STIM1: variants seen among roughly 807,000 people sequenced by gnomAD.
STIM1 encodes stromal interaction molecule 1.
A neutral mutation model predicts 74.7 loss-of-function variants in STIM1; 25 were observed. That is an observed-to-expected ratio of 0.33 (90% confidence interval 0.24 to 0.47). The LOEUF is 0.47. Ranked by LOEUF, STIM1 falls within the 20% of genes least tolerant of loss-of-function variation. The pLI, the probability that STIM1 is intolerant of heterozygous loss-of-function variation, is 1.00. For missense variants in STIM1, 728 were observed against 920.8 expected (o/e 0.79, Z 2.71); for synonymous variants, 328 against 348.8 (o/e 0.94, Z 0.66).
chr11:4,063,157 C>A (rs927497996), intron 5 of STIM1, among the ~76,000 whole-genome samples: 6 of 152,130 alleles, frequency 3.9e-5, no homozygotes, highest in African/African-American at 1.4e-4. Context: ...TATGGCATTT[C>A]TTTTTGGGGT....
chr11:3,910,150 T>A (rs1409926039), intron 1 of STIM1, among the ~76,000 whole-genome samples: 3 of 152,188 alleles, frequency 2.0e-5, no homozygotes, highest in Non-Finnish European at 4.4e-5. Flanking sequence ...GCCTTGTCTA[T>A]CTGTTAAGGA....
At chr11:3,878,769 T>A (rs1304437819) in intron 1 of STIM1, among the ~76,000 whole-genome samples, 1 of 152,130 alleles carries the variant, frequency 6.6e-6, no homozygotes, top group Non-Finnish European at 1.5e-5. Context: ...TGCTGTAAAA[T>A]CTAGCTCTGC....
At chr11:4,083,632 A>T (rs972580845) in intron 10 of STIM1, 134 bp downstream of exon 10, 1 of 826,290 alleles carries the variant, frequency 1.2e-6, no homozygotes, top group African/African-American at 1.7e-5. Context: ...ACCTTGGTCA[A>T]TAAAGCACAA....
At chr11:3,998,238 AG>A (rs2093680284) in intron 2 of STIM1, among the ~76,000 whole-genome samples, 1 of 152,156 alleles carries the variant, frequency 6.6e-6, no homozygotes, top group Non-Finnish European at 1.5e-5. Context: ...AAATGATGCA[AG>A]TTATACACTG....
intron 1 of STIM1, chr11:3,961,347 G>T: frequency 4.1e-6 from 1 of 242,800 alleles, no homozygotes; most frequent in Non-Finnish European, 9.0e-6. Context: ...GACCAGATGA[G>T]GAAGGACTGA....
At chr11:3,921,181 G>T (rs964151111) in intron 1 of STIM1, among the ~76,000 whole-genome samples, 3 of 152,178 alleles carry the variant, frequency 2.0e-5, no homozygotes, top group East Asian at 3.8e-4. Context: ...AAACTGGATT[G>T]ATCAGAGAAT....
At chr11:3,886,198 A>G (rs1408225109) in intron 1 of STIM1, among the ~76,000 whole-genome samples, 1 of 152,260 alleles carries the variant, frequency 6.6e-6, no homozygotes, top group Non-Finnish European at 1.5e-5. Context: ...AATTCTTTAT[A>G]GAAAATTCAC....
At chr11:4,034,673 A>G (rs951490127) in intron 3 of STIM1, among the ~76,000 whole-genome samples, 4 of 152,140 alleles carry the variant, frequency 2.6e-5, no homozygotes, top group Non-Finnish European at 2.9e-5. Flanking sequence ...TTTTTTGAAG[A>G]GTTCATGTAG....
At chr11:3,957,858 C>G (rs986561196) in intron 1 of STIM1, among the ~76,000 whole-genome samples, 1 of 152,054 alleles carries the variant, frequency 6.6e-6, no homozygotes, top group Non-Finnish European at 1.5e-5. Context: ...AGCCATCAAG[C>G]CTGGCCAATG....
chr11:4,074,676 G>A lies in STIM1; in HGVS notation c.966G>A (p.Glu322=). 1.9e-6 allele frequency: 3 copies of A among 1,556,110 alleles called. No homozygotes were observed. Among genetic ancestry groups the A allele is most frequent in the Non-Finnish European group, 1.7e-6 (2 of 1,149,244 alleles). Residue 322 remains glutamate, a synonymous_variant, in exon 7 of 13, where the codon GAG becomes GAA. Coordinates refer to ENST00000526596, the MANE Select transcript of STIM1 (RefSeq NM_001382567.1). The part of the protein sequence containing the change: ...SRQKYAEEEL[E]QVREALRKAE... ...AAAAATATGCTGAGGAGGAGTTGGA[G>A]CAGGTAGGAGAGTCCACAAATTCCT...
intron 1 of STIM1, among the ~76,000 whole-genome samples, chr11:3,869,997 T>C (rs1209903355): frequency 1.3e-5 from 2 of 152,136 alleles, no homozygotes; most frequent in African/African-American, 4.8e-5. Context: ...GCAGAAAATA[T>C]ATGGCAGTCA....
At chr11:3,892,443 T>A (rs1435841887) in intron 1 of STIM1, 9 of 1,482,818 alleles carry the variant, frequency 6.1e-6, no homozygotes, top group Non-Finnish European at 8.5e-6. Flanking sequence ...GTCTTGCCAT[T>A]CCTGGACCCA....
At chr11:3,941,694 A>T (rs868501837) in intron 1 of STIM1, among the ~76,000 whole-genome samples, 1 of 142,008 alleles carries the variant, frequency 7.0e-6, no homozygotes, top group East Asian at 2.4e-4. Flanking sequence ...AGAGAGAGAG[A>T]GAGTGTGTGT....
intron 1 of STIM1, among the ~76,000 whole-genome samples, chr11:3,912,129 C>T (rs2092571414): frequency 7.3e-6 from 1 of 137,770 alleles, no homozygotes. Context: ...CTAACCTTCT[C>T]CCCTCCCATC....
At chr11:3,963,917 C>T (rs541595249) in intron 1 of STIM1, among the ~76,000 whole-genome samples, 50 of 152,086 alleles carry the variant, frequency 3.3e-4, no homozygotes, top group African/African-American at 1.1e-3. Context: ...GGAAAGTGGC[C>T]GAAGTTAAAA....
At chr11:4,029,227 A>C (rs1398806099) in intron 3 of STIM1, among the ~76,000 whole-genome samples, 1 of 152,030 alleles carries the variant, frequency 6.6e-6, no homozygotes, top group Non-Finnish European at 1.5e-5. Context: ...TAAAGTAAAC[A>C]TTACAGTAAG....
intron 1 of STIM1, among the ~76,000 whole-genome samples, chr11:3,882,509 T>C (rs1463270253): frequency 6.6e-6 from 1 of 152,226 alleles, no homozygotes; most frequent in African/African-American, 2.4e-5. Flanking sequence ...CTTTTGGCTC[T>C]TGTGGATAGT....
chr11:3,860,494 G>A lies in STIM1; in HGVS notation c.139+4085G>A, dbSNP rs534438387. The stretch of plus-strand genomic sequence containing the variant: ...AACTTTGTGATAAATCTGCAATAGA[G>A]GTATTATATATACATGCAGAAAGCT... On this transcript the variant is annotated intron_variant, in intron 1 of 12. Coordinates refer to ENST00000526596, the MANE Select transcript of STIM1 (RefSeq NM_001382567.1). Among the ~76,000 whole-genome samples, 3 of 152,298 alleles carry A rather than the reference G, an allele frequency of 2.0e-5. No individual in the cohort carries two copies. In the South Asian group the frequency reaches 6.2e-4, roughly 32 times the overall value.
intron 5 of STIM1, among the ~76,000 whole-genome samples, chr11:4,063,522 A>T (rs931814052): frequency 6.6e-6 from 1 of 152,240 alleles, no homozygotes; most frequent in African/African-American, 2.4e-5. Context: ...ACATAATGCT[A>T]TTATACACTT....
Sources: allele counts gnomAD v4.1 joint callset (sites outside exome capture counted in the v4.1 genomes callset), GRCh38; gene constraint gnomAD v4.1.1; transcripts MANE v1.5; gene names NCBI Gene and HGNC (gene_info 2026-07-23, HGNC 2026-07-21).